The following PDE4D variants were observed in gnomAD, a reference collection of about 807,000 sequenced individuals.
PDE4D encodes the protein phosphodiesterase 4D, also known as 3',5'-cyclic-AMP phosphodiesterase 4D.
PDE4D carries 24 observed loss-of-function variants against 87.4 expected under a neutral mutation model. The ratio of observed to expected loss-of-function variants is 0.27; its 90% CI spans 0.20 to 0.39. The LOEUF is 0.39. Ranked by LOEUF, PDE4D falls within the 10% of genes least tolerant of loss-of-function variation. PDE4D has a pLI of 1.00. For missense variants in PDE4D, 714 were observed against 1,041.0 expected, an observed-to-expected ratio of 0.69 and a Z score of 4.32; for synonymous variants, 384 against 383.2, an observed-to-expected ratio of 1.00 and a Z score of -0.02.
chr5:59,131,331 C>G (rs1472797043), intron 5 of PDE4D, among the ~76,000 whole-genome samples: 1 of 152,088 alleles, frequency 6.6e-6, no homozygotes, highest in African/African-American at 2.4e-5. Flanking sequence ...CATCCCAGTG[C>G]CTAGTACACA....
chr5:60,502,390 G>C (rs1055473653), intron 1 of PDE4D, among the ~76,000 whole-genome samples: 1 of 152,174 alleles, frequency 6.6e-6, no homozygotes, highest in Admixed American at 6.6e-5. Context: ...GTACCATGCT[G>C]TTTTGGTTAC....
chr5:59,542,156 G>A (rs1816465858), intron 1 of PDE4D, among the ~76,000 whole-genome samples: 1 of 152,064 alleles, frequency 6.6e-6, no homozygotes, highest in East Asian at 1.9e-4. Flanking sequence ...GTCTCTTCTA[G>A]TATCCTAGTG....
chr5:60,339,407 A>C (rs756268179), intron 1 of PDE4D, among the ~76,000 whole-genome samples: 1 of 152,154 alleles, frequency 6.6e-6, no homozygotes, highest in Non-Finnish European at 1.5e-5. Flanking sequence ...GACATGCTGG[A>C]CAAAGGGATG....
intron 1 of PDE4D, chr5:59,275,470 T>G (rs1470607305): frequency 6.4e-7 from 1 of 1,557,672 alleles, no homozygotes; most frequent in Non-Finnish European, 8.6e-7. Context: ...ACTGTCTTTC[T>G]GCAAAGAAGA....
rs72009917 is a variant in PDE4D at position 59,798,254 on chromosome 5, C to CTGTGTG, written c.455+94908_455+94913dup. 5.4e-3 allele frequency among the ~76,000 whole-genome samples: 779 copies of CTGTGTG among 143,926 alleles called. 2 individuals carry two copies. Among genetic ancestry groups the CTGTGTG allele is most frequent in the East Asian group, 8.0e-3 (38 of 4,742 alleles). 94.4% of individuals were successfully genotyped at this position (143,926 alleles called of 152,430 possible). A position where few individuals can be genotyped will look rare whatever the true frequency, so the allele number is the denominator to read the frequency against. On this transcript the variant is annotated intron_variant, in intron 1 of 14. Transcript: ENST00000340635. Reference sequence around the variant, plus strand: ...TCTCTCTCTCTCTATATATAAATGCCTGTGTGTGTGTGTGTGTGTGTGTGT... The same window carrying CTGTGTG: ...TCTCTCTCTCTCTATATATAAATGCCTGTGTGTGTGTGTGTGTGTGTGTGTGTGTGT...
intron 2 of PDE4D, among the ~76,000 whole-genome samples, chr5:60,002,989 T>C (rs2152839797): frequency 6.6e-6 from 1 of 152,254 alleles, no homozygotes; most frequent in African/African-American, 2.4e-5. Context: ...ACATTTTCTA[T>C]ATTTAAAAAA....
At chr5:59,761,596 A>T (rs746590674) in intron 1 of PDE4D, among the ~76,000 whole-genome samples, 3 of 151,966 alleles carry the variant, frequency 2.0e-5, no homozygotes, top group Non-Finnish European at 4.4e-5. Context: ...ACACAAACAC[A>T]CATTAGCCTA....
At chr5:60,254,900 T>A (rs569735194) in intron 1 of PDE4D, among the ~76,000 whole-genome samples, 1 of 151,990 alleles carries the variant, frequency 6.6e-6, no homozygotes, top group Admixed American at 6.6e-5. Flanking sequence ...TGGCATATAA[T>A]AAATGCTCAA....
chr5:60,403,796 C>T (rs886352255), intron 1 of PDE4D, among the ~76,000 whole-genome samples: 1 of 152,312 alleles, frequency 6.6e-6, no homozygotes, highest in African/African-American at 2.4e-5. Context: ...GCACAGCTGA[C>T]CTTTGTCAAG....
chr5:59,683,218 C>T (rs1022912571), intron 1 of PDE4D, among the ~76,000 whole-genome samples: 26 of 151,884 alleles, frequency 1.7e-4, no homozygotes, highest in African/African-American at 2.9e-4. Flanking sequence ...TATGGGTAGA[C>T]GGATACATAG....
intron 4 of PDE4D, among the ~76,000 whole-genome samples, chr5:59,183,945 G>A (rs1434754033): frequency 6.6e-6 from 1 of 152,186 alleles, no homozygotes; most frequent in African/African-American, 2.4e-5. Context: ...ACAGGCAACA[G>A]GAGCACAGAG....
In PDE4D at chr5:59,356,856, C is replaced by T. The variant is rs770474995; in HGVS notation, c.456-140888G>A. On this transcript the variant is annotated intron_variant, in intron 1 of 14. Coordinates refer to ENST00000340635, the MANE Select transcript of PDE4D (RefSeq NM_001104631.2). ...CCCAAACAAAAGCCATTTTTAAGGACGATGCCAAGATCCCCAGGAACCACG... is the reference window on the plus strand; with the variant it reads ...CCCAAACAAAAGCCATTTTTAAGGATGATGCCAAGATCCCCAGGAACCACG... 1.6e-5 allele frequency: 25 copies of T among 1,538,058 alleles called. No individual in the cohort carries two copies. In the East Asian group the frequency reaches 2.1e-4, roughly 13 times the overall value.
At chr5:59,599,285 A>C (rs1583268022) in intron 1 of PDE4D, among the ~76,000 whole-genome samples, 1 of 149,866 alleles carries the variant, frequency 6.7e-6, no homozygotes, top group Non-Finnish European at 1.5e-5. Flanking sequence ...GCAATGGCGC[A>C]ATCTTGGCTC....
At chr5:59,665,536 A>C (rs149720936) in intron 1 of PDE4D, among the ~76,000 whole-genome samples, 1 of 152,206 alleles carries the variant, frequency 6.6e-6, no homozygotes, top group African/African-American at 2.4e-5. Context: ...CTCTACCAAA[A>C]TGTTATGATT....
intron 1 of PDE4D, among the ~76,000 whole-genome samples, chr5:59,321,857 C>T (rs143144655): frequency 1.3e-5 from 2 of 152,212 alleles, no homozygotes; most frequent in Admixed American, 6.5e-5. Context: ...ATAGAGTACA[C>T]GCATGCGCAC....
At position 59,777,381 on chromosome 5, in the gene PDE4D, G is replaced by C. The variant is rs1031873585; in HGVS notation, c.455+115787C>G. ...CAGCTTTGTGGACAGAAGCCTGTTG[G>C]GAGACTATGGACAAACTAACAGGAC... On this transcript the variant is annotated intron_variant, in intron 1 of 14. Transcript: ENST00000340635. Among the ~76,000 whole-genome samples, 9 of 152,176 alleles carry C rather than the reference G, an allele frequency of 5.9e-5. No homozygotes were observed. The South Asian group carries it at 1.9e-3, about 32-fold the overall frequency.
chr5:59,892,896 CCACACACACACACACA>C (rs70975348), intron 1 of PDE4D, among the ~76,000 whole-genome samples: 12 of 143,972 alleles, frequency 8.3e-5, no homozygotes, highest in Middle Eastern at 3.5e-3. Context: ...AGCGCGCGCA[CCACACACACACACACA>C]CACACACACA....
intron 1 of PDE4D, among the ~76,000 whole-genome samples, chr5:59,802,313 A>C (rs1227487979): frequency 1.3e-5 from 2 of 151,950 alleles, no homozygotes; most frequent in Non-Finnish European, 2.9e-5. Flanking sequence ...TAAGAAATAC[A>C]TACTTTGAAG....
intron 1 of PDE4D, among the ~76,000 whole-genome samples, chr5:60,329,098 T>C (rs1562329125): frequency 6.6e-6 from 1 of 152,246 alleles, no homozygotes; most frequent in Non-Finnish European, 1.5e-5. Context: ...CATTTCCTTA[T>C]GAGGGCTCCT....
Sources: allele counts gnomAD v4.1 joint callset (sites outside exome capture counted in the v4.1 genomes callset), GRCh38; gene constraint gnomAD v4.1.1; transcripts MANE v1.5; gene names NCBI Gene and HGNC (gene_info 2026-07-23, HGNC 2026-07-21).